Variants in ZMYM2 observed in about 807,000 individuals in gnomAD.
ZMYM2 encodes the protein zinc finger MYM-type protein 2.
Under a neutral mutation model 162.8 loss-of-function variants are expected in ZMYM2, and 56 were observed. That is an observed-to-expected ratio of 0.34 (90% CI 0.28 to 0.43). The LOEUF (loss-of-function observed/expected upper bound fraction) is 0.43. Among genes scored for constraint, ZMYM2 ranks in the 20% least tolerant of loss-of-function variants. The probability of loss-of-function intolerance (pLI) is 1.00; values close to 1 mark genes in which losing one functional copy is unlikely to be tolerated. For missense variants in ZMYM2, 1,275 were observed against 1,621.8 expected (o/e 0.79, Z 3.67); for synonymous variants, 510 against 541.6 (o/e 0.94, Z 0.81).
At chr13:19,957,990 A>G (rs907089771), upstream of ZMYM2, among the ~76,000 whole-genome samples, 1 of 152,198 alleles carries the variant, frequency 6.6e-6, no homozygotes, top group Admixed American at 6.5e-5. Flanking sequence ...TCCCGGCCCC[A>G]CGGGGTTTGG....
intron 21 of ZMYM2, among the ~76,000 whole-genome samples, chr13:20,069,841 GA>G (rs143112670): frequency 0.11 from 15,681 of 146,378 alleles, 1,337 homozygotes; most frequent in African/African-American, 0.23. Flanking sequence ...CAAAAACTCA[GA>G]AAAAAAAAAG....
At chr13:19,920,668 G>A in the ZMYM2 span, among the ~76,000 whole-genome samples, 260 of 152,120 alleles carry the variant, frequency 1.7e-3, 1 homozygote, top group African/African-American at 5.8e-3. Context: ...CATGCCTAGG[G>A]AAAGAGGAAG....
intron 6 of ZMYM2, among the ~76,000 whole-genome samples, chr13:20,019,096 A>AG (rs1951857685): frequency 4.1e-5 from 1 of 24,224 alleles, no homozygotes. Context: ...AAAAAAAACA[A>AG]CAACAACAAC....
chr13:20,032,855 C>T (rs868064191), intron 10 of ZMYM2, among the ~76,000 whole-genome samples: 11 of 152,040 alleles, frequency 7.2e-5, no homozygotes, highest in African/African-American at 1.9e-4. Flanking sequence ...GCAATCCGCC[C>T]GCCTCAGCCT....
At position 19,993,077 on chromosome 13, in the gene ZMYM2, A is replaced by G. The variant is rs903332401; in HGVS notation, c.5A>G (p.Asp2Gly). The change falls in exon 3 of 25, where the codon GAC becomes GGC. Residue 2 changes from aspartate to glycine, a missense_variant. By Grantham distance (94) the Asp-to-Gly change is moderately conservative (BLOSUM62 -1). Coordinates refer to ENST00000610343, the MANE Select transcript of ZMYM2 (RefSeq NM_197968.4). M[D>G]TSSVGGLELT... ...CTTCCTAACAGGTTCTTTGGCATGG[A>G]CACAAGTTCAGTGGGAGGATTAGAA... The G allele has an allele frequency of 8.8e-6, 14 of 1,594,020 alleles. No individual in the cohort carries two copies. The highest frequency in any genetic ancestry group is 1.2e-5 in the Non-Finnish European group (14 of 1,171,898).
At chr13:19,911,530 T>C in the ZMYM2 span, among the ~76,000 whole-genome samples, 4 of 152,302 alleles carry the variant, frequency 2.6e-5, no homozygotes, top group South Asian at 8.3e-4. Context: ...TGACTATGTA[T>C]TGGGGAAAAG....
chr13:19,943,497 C>A, the ZMYM2 span, among the ~76,000 whole-genome samples: 1 of 152,246 alleles, frequency 6.6e-6, no homozygotes, highest in Non-Finnish European at 1.5e-5. Flanking sequence ...TTGAAAACCA[C>A]CTGATGTTCA....
chr13:20,051,995 T>A (rs563339516), intron 13 of ZMYM2, among the ~76,000 whole-genome samples: 99 of 152,086 alleles, frequency 6.5e-4, no homozygotes, highest in Middle Eastern at 3.4e-3. Context: ...GTAATTTTTT[T>A]AAAAAAAATA....
At chr13:19,948,696 A>C in the ZMYM2 span, among the ~76,000 whole-genome samples, 2 of 152,198 alleles carry the variant, frequency 1.3e-5, no homozygotes, top group Non-Finnish European at 2.9e-5. Flanking sequence ...AGTAATAATA[A>C]TGTGTTCATA....
chr13:19,998,905 G>A (rs1032928486), intron 3 of ZMYM2, among the ~76,000 whole-genome samples: 1 of 152,082 alleles, frequency 6.6e-6, no homozygotes, highest in African/African-American at 2.4e-5. Flanking sequence ...TTCAAAATAC[G>A]GAGAAACTAG....
the ZMYM2 span, among the ~76,000 whole-genome samples, chr13:19,934,767 C>CTTTTTTTTTT: frequency 6.8e-6 from 1 of 147,430 alleles, no homozygotes; most frequent in Non-Finnish European, 1.5e-5. Flanking sequence ...TTCTTTCTTT[C>CTTTTTTTTTT]TTTCTTTTTT....
At chr13:19,949,141 G>A in the ZMYM2 span, among the ~76,000 whole-genome samples, 6 of 152,102 alleles carry the variant, frequency 3.9e-5, no homozygotes, top group African/African-American at 1.4e-4. Context: ...TGGGCACTGT[G>A]GCTCACGCCT....
At chr13:20,062,689 G>A (rs530531152) in intron 17 of ZMYM2, among the ~76,000 whole-genome samples, 157 bp from the exon 18 acceptor site, 3 of 152,254 alleles carry the variant, frequency 2.0e-5, no homozygotes, top group Non-Finnish European at 4.4e-5. Flanking sequence ...TACATTTTGA[G>A]ATAGTTATAT....
At position 20,065,042 on chromosome 13, in the gene ZMYM2, A is replaced by G. The variant is rs1956566797; in HGVS notation, c.3132+497A>G. On this transcript the variant is annotated intron_variant, in intron 19 of 24. Coordinates refer to ENST00000610343, the MANE Select transcript of ZMYM2 (RefSeq NM_197968.4). ...TTTCTGGTCTCTTTTAGGCATACCA[A>G]CACACATAGAAAGACATGCTGGACA... Among the ~76,000 whole-genome samples the G allele has an allele frequency of 2.0e-5, 3 of 152,340 alleles. No homozygotes were observed. In the South Asian group the frequency reaches 6.2e-4, roughly 32 times the overall value.
intron 7 of ZMYM2, among the ~76,000 whole-genome samples, chr13:20,021,286 A>C (rs919100337): frequency 2.0e-5 from 3 of 148,246 alleles, no homozygotes; most frequent in Non-Finnish European, 3.0e-5. Flanking sequence ...TACTGTTTTC[A>C]TATCTGCCAT....
At chr13:20,014,073 T>G (rs911565060) in intron 6 of ZMYM2, among the ~76,000 whole-genome samples, 1 of 152,038 alleles carries the variant, frequency 6.6e-6, no homozygotes, top group Admixed American at 6.6e-5. Flanking sequence ...TGGGACTTTT[T>G]GTTTGTTTGT....
intron 2 of ZMYM2, among the ~76,000 whole-genome samples, chr13:19,960,968 A>G (rs1264857656): frequency 6.6e-6 from 1 of 152,226 alleles, no homozygotes; most frequent in African/African-American, 2.4e-5. Context: ...TACATTGTGA[A>G]GGATGATGTG....
intron 9 of ZMYM2, among the ~76,000 whole-genome samples, chr13:20,029,520 T>C (rs1199375162): frequency 1.3e-5 from 2 of 152,224 alleles, no homozygotes; most frequent in Non-Finnish European, 2.9e-5. Context: ...ATTTTTTAAA[T>C]TTATTCATCT....
chr13:19,971,244 G>GTGTATATATATATATATA (rs5802035), intron 2 of ZMYM2, among the ~76,000 whole-genome samples: 2 of 50,124 alleles, frequency 4.0e-5, no homozygotes, highest in African/African-American at 1.3e-4. Context: ...GTGTGTGTGT[G>GTGTATATATATATATATA]TATATATATA....
Sources: gnomAD v4.1 joint callset for allele counts (sites outside exome capture counted in the v4.1 genomes callset) on GRCh38, gnomAD v4.1.1 for gene constraint, MANE v1.5 for transcripts, NCBI Gene and HGNC (gene_info 2026-07-23, HGNC 2026-07-21) for gene names.